Variants in VWC2 observed in about 807,000 individuals in gnomAD.
VWC2 encodes the protein brorin.
Under a neutral mutation model 29.8 loss-of-function variants are expected in VWC2, and 14 were observed. The observed-to-expected ratio is 0.47, with a 90% CI of 0.31 to 0.74. The LOEUF (loss-of-function observed/expected upper bound fraction) is 0.74, where lower values mean the gene tolerates loss of function less well. Among genes scored for constraint, VWC2 ranks in the 30% least tolerant of loss-of-function variants. The pLI is 0.05. For missense variants in VWC2, 457 were observed against 459.8 expected (o/e 0.99, Z 0.05); for synonymous variants, 213 against 199.0 (o/e 1.07, Z -0.59).
intron 3 of VWC2, among the ~76,000 whole-genome samples, chr7:49,872,318 T>G (rs767029302): frequency 9.2e-5 from 14 of 152,118 alleles, no homozygotes; most frequent in Admixed American, 2.6e-4. Context: ...GTCTTGGATT[T>G]AATGTGTCCA....
At chr7:49,795,652 T>C (rs1162337565) in intron 2 of VWC2, among the ~76,000 whole-genome samples, 1 of 152,216 alleles carries the variant, frequency 6.6e-6, no homozygotes, top group Non-Finnish European at 1.5e-5. Context: ...TGTTGAGCAA[T>C]TGTTACTATA....
chr7:49,846,116 A>G (rs1280021653), intron 3 of VWC2, among the ~76,000 whole-genome samples: 1 of 152,198 alleles, frequency 6.6e-6, no homozygotes, highest in African/African-American at 2.4e-5. Flanking sequence ...TTCTTTAGAG[A>G]TAACTATCCC....
rs549214609 is a variant in VWC2, at chr7:49,860,266, G to A, written c.827-51768G>A. 3.9e-5 allele frequency among the ~76,000 whole-genome samples: 6 copies of A among 152,102 alleles called. No homozygotes were observed. In the South Asian group the frequency reaches 1.2e-3, roughly 32 times the overall value. On this transcript the variant is annotated intron_variant, in intron 3 of 3. Transcript: ENST00000340652. The stretch of plus-strand genomic sequence containing the variant: ...GTGGTATCTCCTCATTCCTGTCTAC[G>A]TCAGGCTCATGGTAAATTTGAATCT...
rs536880676 is a variant in VWC2 at position 49,892,031 on chromosome 7, A to ATT, written c.827-19973_827-19972dup. Among the ~76,000 whole-genome samples, 112 of 53,292 alleles carry ATT rather than the reference A, an allele frequency of 2.1e-3. 6 individuals are homozygous for ATT. The highest frequency in any genetic ancestry group is 0.021 in the Middle Eastern group (1 of 48). The allele number at this position is 53,292 out of a possible 152,430, so 35.0% of individuals were successfully genotyped here. A position where few individuals can be genotyped will look rare whatever the true frequency, so the allele number is the denominator to read the frequency against. ...GCAGTTGGCAGAACAGACAAAGTAG[A>ATT]TTTTTTTTTTTTTTTTTTTTTTTTT... On this transcript the variant is annotated intron_variant, in intron 3 of 3. Coordinates refer to ENST00000340652, the MANE Select transcript of VWC2 (RefSeq NM_198570.5).
chr7:49,866,900 A>G (rs1790914842), intron 3 of VWC2, among the ~76,000 whole-genome samples: 1 of 152,164 alleles, frequency 6.6e-6, no homozygotes, highest in Non-Finnish European at 1.5e-5. Flanking sequence ...GCTCCATTGG[A>G]GCAGCAGCAC....
chr7:49,809,288 C>A (rs1008828514), intron 3 of VWC2, among the ~76,000 whole-genome samples: 3 of 151,898 alleles, frequency 2.0e-5, no homozygotes, highest in Non-Finnish European at 4.4e-5. Flanking sequence ...AAGAAATGGA[C>A]AGATTCCTAG....
chr7:49,860,608 G>T (rs1348877005), intron 3 of VWC2, among the ~76,000 whole-genome samples: 2 of 152,152 alleles, frequency 1.3e-5, no homozygotes, highest in Non-Finnish European at 2.9e-5. Context: ...AATTCCTTTG[G>T]CTATTGTAAT....
At chr7:49,790,914 A>G (rs762851809) in intron 2 of VWC2, among the ~76,000 whole-genome samples, 1 of 152,044 alleles carries the variant, frequency 6.6e-6, no homozygotes, top group Non-Finnish European at 1.5e-5. Context: ...GGTGGTGAGG[A>G]GGGCTGACAG....
At chr7:49,827,338 T>C (rs1789418662) in intron 3 of VWC2, among the ~76,000 whole-genome samples, 1 of 85,228 alleles carries the variant, frequency 1.2e-5, no homozygotes. Context: ...AGTGTTATTG[T>C]ATAGTGACAT....
chr7:49,892,570 G>A (rs191075260), intron 3 of VWC2, among the ~76,000 whole-genome samples: 257 of 152,284 alleles, frequency 1.7e-3, no homozygotes, highest in Non-Finnish European at 2.9e-3. Context: ...CCAGGCCCTG[G>A]TCATGTTCTG....
intron 3 of VWC2, among the ~76,000 whole-genome samples, chr7:49,869,097 TC>T (rs752038857): frequency 1.2e-4 from 18 of 152,222 alleles, no homozygotes; most frequent in Middle Eastern, 3.4e-3. Context: ...CATTTACACT[TC>T]CTTTTTTTTT....
intron 2 of VWC2, among the ~76,000 whole-genome samples, chr7:49,794,241 A>T (rs894193098): frequency 2.0e-5 from 3 of 152,192 alleles, no homozygotes; most frequent in Non-Finnish European, 4.4e-5. Flanking sequence ...ATGCTATCAG[A>T]CATTCTTTTC....
intron 3 of VWC2, among the ~76,000 whole-genome samples, chr7:49,831,813 A>G (rs1789534882): frequency 6.6e-6 from 1 of 152,226 alleles, no homozygotes; most frequent in Non-Finnish European, 1.5e-5. Context: ...TTTTACAATA[A>G]TAAAAGACTA....
intron 3 of VWC2, among the ~76,000 whole-genome samples, chr7:49,890,621 T>C (rs1311711590): frequency 6.6e-6 from 1 of 151,916 alleles, no homozygotes; most frequent in Non-Finnish European, 1.5e-5. Context: ...AGTGAAATCA[T>C]CCCAAAGCTA....
intron 3 of VWC2, among the ~76,000 whole-genome samples, chr7:49,866,313 C>T (rs1171504203): frequency 2.6e-5 from 4 of 152,192 alleles, no homozygotes; most frequent in Non-Finnish European, 5.9e-5. Flanking sequence ...ACACTGGTTG[C>T]CACTTTTCCT....
chr7:49,783,204 A>G (rs887293734), intron 2 of VWC2, among the ~76,000 whole-genome samples: 4 of 152,148 alleles, frequency 2.6e-5, no homozygotes, highest in African/African-American at 9.7e-5. Flanking sequence ...TTAGGACACC[A>G]TGTGTGTGAG....
intron 3 of VWC2, among the ~76,000 whole-genome samples, chr7:49,893,097 TTC>T (rs1792214330): frequency 6.6e-6 from 1 of 152,240 alleles, no homozygotes; most frequent in Non-Finnish European, 1.5e-5. Context: ...GACATATTAT[TTC>T]TGTTTCCTGA....
chr7:49,860,576 A>G (rs1254652166), intron 3 of VWC2, among the ~76,000 whole-genome samples: 1 of 152,244 alleles, frequency 6.6e-6, no homozygotes, highest in Non-Finnish European at 1.5e-5. Context: ...GCATACAAGT[A>G]TCTGTTTCAG....
rs186602310 is a variant in VWC2 at position 49,790,791 on chromosome 7, C to T, written c.697-11920C>T. 4.0e-5 allele frequency among the ~76,000 whole-genome samples: 6 copies of T among 151,776 alleles called. No individual in the cohort carries two copies. In the East Asian group the frequency reaches 9.8e-4, roughly 25 times the overall value. On this transcript the variant is annotated intron_variant, in intron 2 of 3. Transcript: ENST00000340652. The stretch of plus-strand genomic sequence containing the variant: ...GTTTGGAGGGAGAATTTGGCCATGT[C>T]CTGTGCTAGTTTGATAAGACAGTTT...
Sources: allele counts gnomAD v4.1 joint callset (sites outside exome capture counted in the v4.1 genomes callset), GRCh38; gene constraint gnomAD v4.1.1; transcripts MANE v1.5; gene names NCBI Gene and HGNC (gene_info 2026-07-23, HGNC 2026-07-21).